The following DAB1 variants were observed in gnomAD, a reference collection of about 807,000 sequenced individuals.
The protein encoded by DAB1 is DAB adaptor protein 1.
DAB1 carries 15 observed loss-of-function variants against 64.6 expected under a neutral mutation model. That is an observed-to-expected ratio of 0.23 (90% confidence interval 0.16 to 0.36). The LOEUF is 0.36. DAB1 is among the 10% of genes least tolerant of loss of function. DAB1 has a pLI of 1.00. For missense variants in DAB1, 596 were observed against 706.7 expected, an observed-to-expected ratio of 0.84 and a Z score of 1.78; for synonymous variants, 235 against 251.9, an observed-to-expected ratio of 0.93 and a Z score of 0.64.
At chr1:57,617,337 T>C (rs1645801956) in intron 7 of DAB1, among the ~76,000 whole-genome samples, 1 of 151,938 alleles carries the variant, frequency 6.6e-6, no homozygotes, top group Non-Finnish European at 1.5e-5. Flanking sequence ...CCCAGGTTGG[T>C]CCCCAGCTGA....
At chr1:57,004,326 G>A (rs1645983723) in intron 14 of DAB1, among the ~76,000 whole-genome samples, 1 of 152,186 alleles carries the variant, frequency 6.6e-6, no homozygotes. Context: ...ATTACTTTCT[G>A]CCCATTTAAT....
intron 7 of DAB1, among the ~76,000 whole-genome samples, chr1:57,452,166 C>CTTTTTTTTTTTTT (rs78592207): frequency 1.3e-5 from 1 of 75,010 alleles, no homozygotes; most frequent in African/African-American, 6.1e-5. Flanking sequence ...TGCACCCCCC[C>CTTTTTTTTTTTTT]TTTTTTTTTT....
rs377470392 is a variant in DAB1 at position 57,498,838 on chromosome 1, A to ACAG, written n.625+150751_625+150753dup. Among the ~76,000 whole-genome samples, 51 of 152,328 alleles carry ACAG rather than the reference A, an allele frequency of 3.3e-4. No individual in the cohort carries two copies. The East Asian group carries it at 9.1e-3, about 27-fold the overall frequency. ...GTGACTCTAGCATGTTTAGTTGATG[A>ACAG]CAGAAAGGAACATCTTTCAAAAGAC... On this transcript the variant is annotated intron_variant and non_coding_transcript_variant, in intron 7 of 20. Coordinates refer to the DAB1 transcript ENST00000485760.
At position 58,300,646 on chromosome 1, in the gene DAB1, G is replaced by GGAAGGA. The variant is rs1553173952; in HGVS notation, n.309+42705_309+42706insTCCTTC. ...AGAGAGAGAGAGAGAGAGAGAGAGA[G>GGAAGGA]AGGAAGGAAGGAAGGAAGGAAGGAA... On this transcript the variant is annotated intron_variant and non_coding_transcript_variant, in intron 4 of 20. Transcript: ENST00000485760. Among the ~76,000 whole-genome samples, 176 of 57,246 alleles carry GGAAGGA rather than the reference G, an allele frequency of 3.1e-3. 2 individuals are homozygous for GGAAGGA. Among genetic ancestry groups the GGAAGGA allele is most frequent in the Middle Eastern group, 7.9e-3 (1 of 126 alleles). The allele number at this position is 57,246 out of a possible 152,430, so 37.6% of individuals were successfully genotyped here.
intron 7 of DAB1, among the ~76,000 whole-genome samples, chr1:57,558,086 G>T (rs1645011333): frequency 6.6e-6 from 1 of 152,186 alleles, no homozygotes; most frequent in East Asian, 1.9e-4. Context: ...GACTGGAAAA[G>T]AATGGGACGC....
intron 4 of DAB1, among the ~76,000 whole-genome samples, chr1:58,293,698 T>C (rs1661901995): frequency 6.6e-6 from 1 of 152,160 alleles, no homozygotes; most frequent in Non-Finnish European, 1.5e-5. Flanking sequence ...AGAGGGTTGT[T>C]TGGAAACAAC....
intron 12 of DAB1, among the ~76,000 whole-genome samples, chr1:57,011,916 G>C (rs946737071): frequency 2.6e-5 from 4 of 152,192 alleles, no homozygotes; most frequent in African/African-American, 9.7e-5. Flanking sequence ...TGAATAAAGA[G>C]AAAGTGTCTC....
intron 6 of DAB1, among the ~76,000 whole-genome samples, chr1:57,766,041 C>T (rs1434116865): frequency 2.6e-5 from 4 of 152,200 alleles, no homozygotes; most frequent in Non-Finnish European, 5.9e-5. Flanking sequence ...TACCAAGGTT[C>T]ACTCCTTCGG....
At chr1:58,152,536 T>C (rs1281482272) in intron 4 of DAB1, among the ~76,000 whole-genome samples, 2 of 152,170 alleles carry the variant, frequency 1.3e-5, no homozygotes, top group Non-Finnish European at 1.5e-5. Context: ...TGCATGCAAA[T>C]CTCTGCCTCT....
intron 6 of DAB1, among the ~76,000 whole-genome samples, chr1:57,731,620 C>A (rs1202152736): frequency 6.6e-6 from 1 of 151,994 alleles, no homozygotes; most frequent in South Asian, 2.1e-4. Context: ...GCCTGGCCAA[C>A]GTGGTGAAAT....
At chr1:57,528,234 T>A (rs1644616786) in intron 7 of DAB1, among the ~76,000 whole-genome samples, 1 of 151,858 alleles carries the variant, frequency 6.6e-6, no homozygotes, top group African/African-American at 2.4e-5. Context: ...TCTGAAAAAA[T>A]TTAAAAATTA....
At chr1:58,266,836 C>A (rs1364659602) in intron 4 of DAB1, among the ~76,000 whole-genome samples, 1 of 152,036 alleles carries the variant, frequency 6.6e-6, no homozygotes, top group East Asian at 1.9e-4. Context: ...AGAAGATATA[C>A]AAATGTCTAA....
rs867362867 is a variant in DAB1 at position 57,889,904 on chromosome 1, G to C, written n.388-5742C>G. On this transcript the variant is annotated intron_variant and non_coding_transcript_variant, in intron 5 of 20. Coordinates refer to the DAB1 transcript ENST00000485760. ...GATGGTAGCACAAACTGGGGCGGGGGGGGGGGAGGGGGAAGAAATCACTGG... is the reference window on the plus strand; with the variant it reads ...GATGGTAGCACAAACTGGGGCGGGGCGGGGGGAGGGGGAAGAAATCACTGG... Among the ~76,000 whole-genome samples, 440 of 131,484 alleles carry C rather than the reference G, an allele frequency of 3.3e-3. 19 individuals are homozygous for C. Among genetic ancestry groups the C allele is most frequent in the Non-Finnish European group, 5.4e-3 (337 of 62,100 alleles). 86.3% of individuals were successfully genotyped at this position (131,484 alleles called of 152,430 possible). A position where few individuals can be genotyped will look rare whatever the true frequency, so the allele number is the denominator to read the frequency against.
At chr1:58,216,870 T>C (rs777316868) in intron 4 of DAB1, among the ~76,000 whole-genome samples, 2 of 152,188 alleles carry the variant, frequency 1.3e-5, no homozygotes, top group African/African-American at 2.4e-5. Flanking sequence ...AAACTGACAC[T>C]GAAAAGATAT....
intron 1 of DAB1, among the ~76,000 whole-genome samples, chr1:57,857,838 C>T (rs1372022210): frequency 9.9e-6 from 1 of 101,142 alleles, no homozygotes; most frequent in Admixed American, 1.2e-4. Flanking sequence ...AGTATGGAAT[C>T]ATAGAATGTT....
chr1:57,606,846 A>C (rs1645660245), intron 7 of DAB1, among the ~76,000 whole-genome samples: 1 of 148,580 alleles, frequency 6.7e-6, no homozygotes, highest in Non-Finnish European at 1.5e-5. Context: ...CTAGAGTGCA[A>C]TGGTACGATC....
intron 6 of DAB1, among the ~76,000 whole-genome samples, chr1:57,735,533 T>C (rs1300521582): frequency 2.6e-5 from 4 of 151,494 alleles, no homozygotes; most frequent in Admixed American, 2.0e-4. Flanking sequence ...GTAAGAAGCT[T>C]ACTGTCAAGC....
chr1:57,268,965 A>C (rs978931385), intron 2 of DAB1, among the ~76,000 whole-genome samples: 1 of 152,192 alleles, frequency 6.6e-6, no homozygotes, highest in Non-Finnish European at 1.5e-5. Flanking sequence ...TTAGAGCAAC[A>C]AAAGAAGTAG....
chr1:57,107,050 G>A (rs1655227477), intron 4 of DAB1, among the ~76,000 whole-genome samples: 1 of 152,030 alleles, frequency 6.6e-6, no homozygotes, highest in African/African-American at 2.4e-5. Context: ...TGAAGGCATA[G>A]TACGTAAAAA....
Sources: gnomAD v4.1 joint callset for allele counts (sites outside exome capture counted in the v4.1 genomes callset) on GRCh38, gnomAD v4.1.1 for gene constraint, MANE v1.5 for transcripts, NCBI Gene and HGNC (gene_info 2026-07-23, HGNC 2026-07-21) for gene names.